Variants in TTLL11 observed in about 807,000 individuals in gnomAD.
TTLL11 encodes the protein tubulin polyglutamylase TTLL11.
In TTLL11, 42 loss-of-function variants were observed where a neutral mutation model predicts 51.7. That is an observed-to-expected ratio of 0.81 (90% CI 0.64 to 1.05). The LOEUF (loss-of-function observed/expected upper bound fraction) is 1.05, where lower values mean the gene tolerates loss of function less well. Among genes scored for constraint, TTLL11 ranks in the 50% least tolerant of loss-of-function variants. TTLL11 has a pLI of 0.00. For missense variants in TTLL11, 799 were observed against 940.4 expected (o/e 0.85, Z 1.97); for synonymous variants, 381 against 383.5 (o/e 0.99, Z 0.08).
At chr9:121,834,494 T>C (rs1300507160) in intron 8 of TTLL11, among the ~76,000 whole-genome samples, 3 of 150,930 alleles carry the variant, frequency 2.0e-5, no homozygotes, top group African/African-American at 4.9e-5. Context: ...TTTTTTTTTT[T>C]CACAAGGTAC....
At chr9:121,994,290 G>A (rs1043171271) in intron 3 of TTLL11, among the ~76,000 whole-genome samples, 1 of 152,110 alleles carries the variant, frequency 6.6e-6, no homozygotes, top group Non-Finnish European at 1.5e-5. Context: ...TAGTTCCGAC[G>A]GCTGGAGAAC....
At chr9:122,006,630 T>C (rs1210379120) in intron 3 of TTLL11, among the ~76,000 whole-genome samples, 9 of 152,224 alleles carry the variant, frequency 5.9e-5, no homozygotes, top group Non-Finnish European at 1.2e-4. Flanking sequence ...CACTTTATTA[T>C]GTCACAGAGT....
intron 8 of TTLL11, 145 bp from the exon 9 acceptor site, chr9:121,823,024 A>G: frequency 9.8e-7 from 1 of 1,018,096 alleles, no homozygotes; most frequent in Non-Finnish European, 1.4e-6. Flanking sequence ...TAACAGGGCT[A>G]ACTCACTCAC....
At chr9:121,923,326 C>T (rs940691796) in intron 6 of TTLL11, among the ~76,000 whole-genome samples, 9 of 152,126 alleles carry the variant, frequency 5.9e-5, no homozygotes, top group Non-Finnish European at 8.8e-5. Flanking sequence ...CGGTAGAACT[C>T]GAATAGCTTG....
chr9:122,011,853 T>C (rs1843800210), intron 3 of TTLL11, among the ~76,000 whole-genome samples: 1 of 152,232 alleles, frequency 6.6e-6, no homozygotes, highest in Non-Finnish European at 1.5e-5. Flanking sequence ...CTGTTATCGA[T>C]ATATTCTAGC....
intron 6 of TTLL11, among the ~76,000 whole-genome samples, chr9:121,919,617 T>C (rs1408714089): frequency 1.3e-5 from 2 of 152,178 alleles, no homozygotes; most frequent in Admixed American, 6.5e-5. Flanking sequence ...TGTTGTAATA[T>C]GGAAGACAGT....
At chr9:121,823,920 C>T (rs1190551021) in intron 8 of TTLL11, among the ~76,000 whole-genome samples, 3 of 152,140 alleles carry the variant, frequency 2.0e-5, no homozygotes, top group African/African-American at 7.2e-5. Context: ...TTCCCTGATC[C>T]CCAGATTAGA....
chr9:121,981,849 A>G (rs1588173887), intron 4 of TTLL11, among the ~76,000 whole-genome samples: 1 of 152,196 alleles, frequency 6.6e-6, no homozygotes, highest in East Asian at 1.9e-4. Context: ...CCATCACCAA[A>G]GACTCTTCAC....
chr9:122,011,200 C>T (rs75219388), intron 3 of TTLL11, among the ~76,000 whole-genome samples: 4,945 of 152,180 alleles, frequency 0.032, 194 homozygotes, highest in Admixed American at 0.12. Flanking sequence ...TTTTGCCTTC[C>T]GCCACGATTG....
intron 6 of TTLL11, among the ~76,000 whole-genome samples, chr9:121,878,150 A>G (rs960032383): frequency 3.3e-5 from 5 of 152,150 alleles, no homozygotes; most frequent in Non-Finnish European, 2.9e-5. Context: ...CCTCCCTGGC[A>G]ATGGAGAGAA....
intron 4 of TTLL11, among the ~76,000 whole-genome samples, chr9:121,985,103 G>C (rs1386781159): frequency 6.6e-6 from 1 of 152,160 alleles, no homozygotes; most frequent in Non-Finnish European, 1.5e-5. Flanking sequence ...GATTGGAAAG[G>C]GGTCACCGTC....
chr9:121,906,339 A>AT (rs1554767495), intron 6 of TTLL11, among the ~76,000 whole-genome samples: 2 of 142,756 alleles, frequency 1.4e-5, no homozygotes, highest in Admixed American at 6.8e-5. Context: ...TTATGTAATA[A>AT]TTTTTAAAAA....
intron 6 of TTLL11, among the ~76,000 whole-genome samples, chr9:121,966,000 C>T (rs966624169): frequency 6.6e-6 from 1 of 152,220 alleles, no homozygotes; most frequent in African/African-American, 2.4e-5. Context: ...GGGGATTCAT[C>T]TATTGGCACC....
chr9:121,838,488 G>C (rs1837245619), intron 8 of TTLL11, among the ~76,000 whole-genome samples: 1 of 152,188 alleles, frequency 6.6e-6, no homozygotes, highest in African/African-American at 2.4e-5. Context: ...GGAGGCCGAG[G>C]TGGGCGGATC....
chr9:121,966,950 A>G lies in TTLL11; in HGVS notation c.1481+7059T>C, dbSNP rs911191933. Among the ~76,000 whole-genome samples, 15 of 152,292 alleles carry G rather than the reference A, an allele frequency of 9.8e-5. No individual in the cohort carries two copies. The South Asian group carries it at 1.4e-3, about 15-fold the overall frequency. ...CCTGATTGACCACTTGGTGACCCTAAGAACTAGCTGTTGTCTAATGCTCTC... is the reference window on the plus strand; with the variant it reads ...CCTGATTGACCACTTGGTGACCCTAGGAACTAGCTGTTGTCTAATGCTCTC... On this transcript the variant is annotated intron_variant, in intron 6 of 8. Transcript: ENST00000321582.
intron 3 of TTLL11, among the ~76,000 whole-genome samples, chr9:122,030,483 A>G (rs1466975390): frequency 6.6e-6 from 1 of 152,228 alleles, no homozygotes; most frequent in African/African-American, 2.4e-5. Flanking sequence ...AAATAGACTC[A>G]GAAAGCATAT....
At chr9:122,039,861 ATCTCTCTCTC>A (rs145587739) in intron 1 of TTLL11, among the ~76,000 whole-genome samples, 4 of 147,660 alleles carry the variant, frequency 2.7e-5, no homozygotes, top group African/African-American at 5.0e-5. Context: ...CTCTTCCCTT[ATCTCTCTCTC>A]TCTCTCTCTC....
At chr9:122,015,587 T>A (rs1488566786) in intron 3 of TTLL11, among the ~76,000 whole-genome samples, 1 of 152,092 alleles carries the variant, frequency 6.6e-6, no homozygotes, top group Non-Finnish European at 1.5e-5. Context: ...CTTCCCAGGC[T>A]TACTGCAGAC....
intron 3 of TTLL11, among the ~76,000 whole-genome samples, chr9:122,003,727 C>T (rs1348659393): frequency 6.6e-6 from 1 of 150,830 alleles, no homozygotes; most frequent in African/African-American, 2.4e-5. Flanking sequence ...CCTCGTGATC[C>T]ACCCGCCTCA....
Sources: allele counts gnomAD v4.1 joint callset (sites outside exome capture counted in the v4.1 genomes callset), GRCh38; gene constraint gnomAD v4.1.1; transcripts MANE v1.5; gene names NCBI Gene and HGNC (gene_info 2026-07-23, HGNC 2026-07-21).